Variants in SORCS2 observed in about 807,000 individuals in gnomAD.
SORCS2 encodes the protein VPS10 domain-containing receptor SorCS2.
Under a neutral mutation model 141.6 loss-of-function variants are expected in SORCS2, and 100 were observed. The observed-to-expected ratio is 0.71, with a 90% CI of 0.60 to 0.83. The LOEUF (loss-of-function observed/expected upper bound fraction) is 0.83, where lower values mean the gene tolerates loss of function less well. Ranked by LOEUF, SORCS2 falls within the 40% of genes least tolerant of loss-of-function variation. SORCS2 has a pLI of 0.00. For synonymous variants in SORCS2, 789 were observed against 676.9 expected, an observed-to-expected ratio of 1.17 and a Z score of -2.57; for missense variants, 1,646 against 1,560.2, an observed-to-expected ratio of 1.05 and a Z score of -0.93.
chr4:7,437,498 G>C (rs1450328570), intron 2 of SORCS2, among the ~76,000 whole-genome samples: 2 of 152,094 alleles, frequency 1.3e-5, no homozygotes, highest in Non-Finnish European at 2.9e-5. Context: ...CCAGAGGCCA[G>C]GGGGTGGGGC....
chr4:7,597,763 G>A (rs769381831), intron 3 of SORCS2, among the ~76,000 whole-genome samples: 2 of 152,010 alleles, frequency 1.3e-5, no homozygotes, highest in Admixed American at 6.6e-5. Context: ...AGGAACATTC[G>A]ACATTGAGAT....
intron 1 of SORCS2, among the ~76,000 whole-genome samples, chr4:7,223,171 C>G (rs1474942252): frequency 6.6e-6 from 1 of 152,134 alleles, no homozygotes; most frequent in African/African-American, 2.4e-5. Context: ...AGAGGAAAGG[C>G]CTAAGGAAAA....
chr4:7,555,019 C>A (rs1016548646), intron 3 of SORCS2, among the ~76,000 whole-genome samples: 3 of 152,148 alleles, frequency 2.0e-5, no homozygotes, highest in Non-Finnish European at 4.4e-5. Flanking sequence ...TCAGCCCAGC[C>A]GTTCACCTGG....
chr4:7,687,870 A>T (rs1577075259), intron 10 of SORCS2, among the ~76,000 whole-genome samples: 1 of 151,944 alleles, frequency 6.6e-6, no homozygotes, highest in South Asian at 2.1e-4. Flanking sequence ...CTTAGCTGTC[A>T]CCTCGCTATC....
In SORCS2 at chr4:7,406,368, C is replaced by CTTTTT. The variant is rs34345581; in HGVS notation, c.548+10021_548+10025dup. ...AGTGGTGAAACCATTGGATCCTAGGCTTTTTTTTTTTTGATAGGAGACTTT... is the reference window on the plus strand; with the variant it reads ...AGTGGTGAAACCATTGGATCCTAGGCTTTTTTTTTTTTTTTTTGATAGGAGACTTT... On this transcript the variant is annotated intron_variant, in intron 2 of 26. Coordinates refer to ENST00000507866, the MANE Select transcript of SORCS2 (RefSeq NM_020777.3). Among the ~76,000 whole-genome samples the CTTTTT allele has an allele frequency of 1.3e-4, 19 of 143,664 alleles. 1 individual carries two copies. Among genetic ancestry groups the CTTTTT allele is most frequent in the African/African-American group, 3.3e-4 (13 of 39,080 alleles). 94.2% of individuals were successfully genotyped at this position (143,664 alleles called of 152,430 possible). A position where few individuals can be genotyped will look rare whatever the true frequency, so the allele number is the denominator to read the frequency against.
At chr4:7,410,831 C>T (rs1172553873) in intron 2 of SORCS2, among the ~76,000 whole-genome samples, 1 of 151,874 alleles carries the variant, frequency 6.6e-6, no homozygotes, top group Non-Finnish European at 1.5e-5. Flanking sequence ...GCTCTGAGGC[C>T]TTGAGGTGCC....
At chr4:7,340,560 C>T (rs1451641778) in intron 1 of SORCS2, among the ~76,000 whole-genome samples, 1 of 152,232 alleles carries the variant, frequency 6.6e-6, no homozygotes, top group African/African-American at 2.4e-5. Flanking sequence ...CCACAGTCTC[C>T]TCCAGGCCCG....
intron 3 of SORCS2, among the ~76,000 whole-genome samples, chr4:7,609,271 A>G (rs533578267): frequency 6.6e-6 from 1 of 152,292 alleles, no homozygotes; most frequent in Admixed American, 6.5e-5. Flanking sequence ...AAAGGAATAC[A>G]TTGGTTAAAA....
intron 1 of SORCS2, among the ~76,000 whole-genome samples, chr4:7,318,336 G>A (rs746965588): frequency 6.6e-6 from 1 of 152,176 alleles, no homozygotes. Flanking sequence ...GGGCAGGGCT[G>A]TTGGTGTGCC....
At chr4:7,483,994 T>A (rs1370543797) in intron 2 of SORCS2, among the ~76,000 whole-genome samples, 1 of 152,248 alleles carries the variant, frequency 6.6e-6, no homozygotes, top group Admixed American at 6.5e-5. Context: ...ATGCACGTCT[T>A]CAAAGCCCAG....
At chr4:7,662,704 G>T (rs563619504) in intron 6 of SORCS2, among the ~76,000 whole-genome samples, 1 of 152,318 alleles carries the variant, frequency 6.6e-6, no homozygotes, top group South Asian at 2.1e-4. Context: ...GCTGGCCCTG[G>T]CTCATGAGCA....
intron 1 of SORCS2, among the ~76,000 whole-genome samples, chr4:7,384,876 C>T (rs780843879): frequency 2.0e-5 from 3 of 152,354 alleles, no homozygotes; most frequent in African/African-American, 4.8e-5. Context: ...GCAGGGGGCG[C>T]GGACACTGCA....
At chr4:7,529,026 A>G (rs1006912950) in intron 2 of SORCS2, among the ~76,000 whole-genome samples, 1 of 151,862 alleles carries the variant, frequency 6.6e-6, no homozygotes, top group Non-Finnish European at 1.5e-5. Flanking sequence ...GCCATACAGG[A>G]CTCAGGGCCC....
intron 3 of SORCS2, among the ~76,000 whole-genome samples, chr4:7,566,105 A>ATAATGG (rs201983019): frequency 6.7e-6 from 1 of 149,578 alleles, no homozygotes; most frequent in South Asian, 2.2e-4. Flanking sequence ...TGATAATGTG[A>ATAATGG]TAATGGTAAT....
intron 9 of SORCS2, among the ~76,000 whole-genome samples, chr4:7,676,927 T>G: frequency 7.5e-5 from 4 of 53,060 alleles, no homozygotes; most frequent in African/African-American, 1.3e-4. Flanking sequence ...TCTCTCCCTC[T>G]CTCCCTCTCT....
In SORCS2 at chr4:7,529,294, C is replaced by T. The variant is rs547979248; in HGVS notation, c.549-2236C>T. ...CACCACCCCTCCCTCACCCTCCACCCGCACCCCTACACCGTTGATTCTTCT... is the reference window on the plus strand; with the variant it reads ...CACCACCCCTCCCTCACCCTCCACCTGCACCCCTACACCGTTGATTCTTCT... On this transcript the variant is annotated intron_variant, in intron 2 of 26. Transcript: ENST00000507866. Among the ~76,000 whole-genome samples, 6 of 152,302 alleles carry T rather than the reference C, an allele frequency of 3.9e-5. No individual in the cohort carries two copies. In the East Asian group the frequency reaches 5.8e-4, roughly 15 times the overall value.
chr4:7,392,907 G>A (rs908024275), intron 1 of SORCS2, among the ~76,000 whole-genome samples: 1,842 of 151,556 alleles, frequency 0.012, 45 homozygotes, highest in African/African-American at 0.042. Flanking sequence ...TCGGGGGGGG[G>A]GGGGTGCTGC....
At position 7,394,767 on chromosome 4, in the gene SORCS2, A is replaced by G. The variant is rs144651431; in HGVS notation, c.481-1521A>G. On this transcript the variant is annotated intron_variant, in intron 1 of 26. Transcript: ENST00000507866. ...GCCCCAAACCCAGCAGTCTGCAGAAAGGCAGGGTGCCCTCCAGAGCCGAGC... is the reference window on the plus strand; with the variant it reads ...GCCCCAAACCCAGCAGTCTGCAGAAGGGCAGGGTGCCCTCCAGAGCCGAGC... 6.2e-3 allele frequency among the ~76,000 whole-genome samples: 938 copies of G among 152,164 alleles called. 9 individuals are homozygous for G. The highest frequency in any genetic ancestry group is 0.022 in the African/African-American group (908 of 41,494).
intron 2 of SORCS2, among the ~76,000 whole-genome samples, chr4:7,495,987 G>A (rs1394172748): frequency 6.6e-6 from 1 of 152,214 alleles, no homozygotes; most frequent in Non-Finnish European, 1.5e-5. Flanking sequence ...CAGAATGTGG[G>A]CCGAGGGTGG....
Sources: allele counts gnomAD v4.1 joint callset (sites outside exome capture counted in the v4.1 genomes callset), GRCh38; gene constraint gnomAD v4.1.1; transcripts MANE v1.5; gene names NCBI Gene and HGNC (gene_info 2026-07-23, HGNC 2026-07-21).